The following GPR158 variants were observed in gnomAD, a reference collection of about 807,000 sequenced individuals.
The protein encoded by GPR158 is G protein-coupled receptor 158, also known as metabotropic glycine receptor.
A neutral mutation model predicts 78.2 loss-of-function variants in GPR158; 30 were observed. The observed-to-expected ratio is 0.38, with a 90% CI of 0.29 to 0.52. The LOEUF is 0.52. Ranked by LOEUF, GPR158 falls within the 20% of genes least tolerant of loss-of-function variation. GPR158 has a pLI of 0.83. For missense variants in GPR158, 1,463 were observed against 1,523.5 expected, an observed-to-expected ratio of 0.96 and a Z score of 0.66; for synonymous variants, 581 against 591.1, an observed-to-expected ratio of 0.98 and a Z score of 0.25.
chr10:25,383,138 A>T (rs1236680732), intron 2 of GPR158, among the ~76,000 whole-genome samples: 1 of 152,224 alleles, frequency 6.6e-6, no homozygotes, highest in Non-Finnish European at 1.5e-5. Context: ...CCCGGCCCAG[A>T]TGAGAAGATT....
intron 1 of GPR158, among the ~76,000 whole-genome samples, chr10:25,187,650 T>C (rs1331807019): frequency 6.6e-6 from 1 of 152,138 alleles, no homozygotes. Context: ...ATAAGAGCTA[T>C]TTATGACAAA....
chr10:25,337,397 T>C (rs376700457), intron 2 of GPR158, among the ~76,000 whole-genome samples: 45 of 152,262 alleles, frequency 3.0e-4, no homozygotes, highest in South Asian at 2.3e-3. Flanking sequence ...TATGTTTAGA[T>C]CATGTAACAT....
intron 5 of GPR158, among the ~76,000 whole-genome samples, chr10:25,534,030 ATGT>A: frequency 6.6e-6 from 1 of 152,318 alleles, no homozygotes; most frequent in South Asian, 2.1e-4. Flanking sequence ...AATTCATTAG[ATGT>A]TGTTATTACC....
At chr10:25,384,761 C>A (rs1053436544) in intron 2 of GPR158, among the ~76,000 whole-genome samples, 3 of 152,076 alleles carry the variant, frequency 2.0e-5, no homozygotes, top group African/African-American at 7.2e-5. Flanking sequence ...CATTCCATTT[C>A]TCAGTAATAT....
At chr10:25,564,266 C>T (rs541204310) in intron 6 of GPR158, among the ~76,000 whole-genome samples, 4 of 152,264 alleles carry the variant, frequency 2.6e-5, no homozygotes, top group South Asian at 2.1e-4. Flanking sequence ...AGCCTGAGGT[C>T]GGCAGGAGAT....
chr10:25,524,397 A>G (rs1836322983), intron 5 of GPR158, among the ~76,000 whole-genome samples: 1 of 152,226 alleles, frequency 6.6e-6, no homozygotes, highest in Non-Finnish European at 1.5e-5. Context: ...CAAACTTACT[A>G]CAAAGCTGTG....
chr10:25,426,265 C>G (rs1834818912), intron 4 of GPR158, among the ~76,000 whole-genome samples: 1 of 152,136 alleles, frequency 6.6e-6, no homozygotes, highest in Admixed American at 6.5e-5. Context: ...CAAACTTTCT[C>G]CATGTTAGCA....
In GPR158 at chr10:25,585,535, G is replaced by T. The variant is rs1588924298; in HGVS notation, c.1754-3472G>T. Among the ~76,000 whole-genome samples, 15 of 152,214 alleles carry T rather than the reference G, an allele frequency of 9.9e-5. 1 individual carries two copies. Among genetic ancestry groups the T allele is most frequent in the Admixed American group, 9.8e-4 (15 of 15,290 alleles). On this transcript the variant is annotated intron_variant, in intron 7 of 10. Coordinates refer to ENST00000376351, the MANE Select transcript of GPR158 (RefSeq NM_020752.3). ...CTAGAGGGAAGAAAATTCAATGTAGGTTATAATCATTTCAGGAGGCTTTGT... is the reference window on the plus strand; with the variant it reads ...CTAGAGGGAAGAAAATTCAATGTAGTTTATAATCATTTCAGGAGGCTTTGT...
chr10:25,550,057 A>G (rs767073646), intron 5 of GPR158, among the ~76,000 whole-genome samples: 5 of 152,156 alleles, frequency 3.3e-5, no homozygotes, highest in Non-Finnish European at 7.4e-5. Flanking sequence ...TTCTTATTCT[A>G]CAAGGACTCA....
chr10:25,552,292 A>G (rs1836736498), intron 6 of GPR158, among the ~76,000 whole-genome samples: 1 of 152,174 alleles, frequency 6.6e-6, no homozygotes, highest in South Asian at 2.1e-4. Flanking sequence ...TCCACATCAC[A>G]GCACACTTCC....
intron 1 of GPR158, among the ~76,000 whole-genome samples, chr10:25,209,727 G>C (rs1177687953): frequency 6.6e-6 from 1 of 152,124 alleles, no homozygotes; most frequent in African/African-American, 2.4e-5. Context: ...AGTGGCTTGT[G>C]ACTTAAGTTT....
chr10:25,195,000 A>G (rs1388927983), intron 1 of GPR158, among the ~76,000 whole-genome samples: 1 of 152,094 alleles, frequency 6.6e-6, no homozygotes, highest in African/African-American at 2.4e-5. Context: ...CAGATAAATA[A>G]TCGGATCCTG....
intron 4 of GPR158, chr10:25,466,443 A>G (rs567265830): frequency 1.3e-4 from 58 of 434,386 alleles, no homozygotes; most frequent in Non-Finnish European, 1.5e-4. Context: ...GCCACTGGCG[A>G]TATTATTAAG....
rs372346831 is a variant in GPR158 at position 25,444,687 on chromosome 10, T to TA, written c.1336-21957dup. On this transcript the variant is annotated intron_variant, in intron 4 of 10. Transcript: ENST00000376351. ...GTGTGTATGCTGAATGAGAGAATGG[T>TA]AAAAAAATACCCACCAGTGGGGAAT... 1.9e-3 allele frequency among the ~76,000 whole-genome samples: 288 copies of TA among 151,818 alleles called. 2 individuals carry two copies. The highest frequency in any genetic ancestry group is 0.012 in the South Asian group (60 of 4,810).
At chr10:25,580,794 T>C (rs1343950364) in intron 7 of GPR158, among the ~76,000 whole-genome samples, 3 of 152,194 alleles carry the variant, frequency 2.0e-5, no homozygotes, top group African/African-American at 7.2e-5. Context: ...TGTGTGACCA[T>C]AGCTTGCTGC....
chr10:25,290,602 A>G (rs1470175116), intron 2 of GPR158, among the ~76,000 whole-genome samples: 18 of 152,180 alleles, frequency 1.2e-4, no homozygotes, highest in Non-Finnish European at 2.6e-4. Context: ...TAATGATCAG[A>G]AAATGTAGGC....
In GPR158 at chr10:25,217,723, G is replaced by A. The variant is rs140627530; in HGVS notation, c.903-3329G>A. ...GAGGTCCATTCACAGAGAAAGACCA[G>A]TAGGGAAATCGTGTTTGATGGACTG... is the stretch of plus-strand genomic sequence containing the variant. On this transcript the variant is annotated intron_variant, in intron 1 of 10. Coordinates refer to ENST00000376351, the MANE Select transcript of GPR158 (RefSeq NM_020752.3). Among the ~76,000 whole-genome samples, 25 of 152,324 alleles carry A rather than the reference G, an allele frequency of 1.6e-4. No individual in the cohort carries two copies. The East Asian group carries it at 4.6e-3, about 28-fold the overall frequency.
At chr10:25,338,992 TAA>T (rs1855265058) in intron 2 of GPR158, among the ~76,000 whole-genome samples, 1 of 151,576 alleles carries the variant, frequency 6.6e-6, no homozygotes, top group African/African-American at 2.4e-5. Context: ...AATTTATTTC[TAA>T]GTTAGGTTTC....
At chr10:25,241,372 C>CTCTTTTCTCT (rs1554787300) in intron 2 of GPR158, among the ~76,000 whole-genome samples, 1 of 102,950 alleles carries the variant, frequency 9.7e-6, no homozygotes, top group African/African-American at 5.5e-5. Context: ...CTTTTCTTTT[C>CTCTTTTCTCT]TCTCTTCTCT....
Sources: gnomAD v4.1 joint callset for allele counts (sites outside exome capture counted in the v4.1 genomes callset) on GRCh38, gnomAD v4.1.1 for gene constraint, MANE v1.5 for transcripts, NCBI Gene and HGNC (gene_info 2026-07-23, HGNC 2026-07-21) for gene names.